The following EPB41L3 variants were observed in gnomAD, a reference collection of about 807,000 sequenced individuals.
The protein encoded by EPB41L3 is erythrocyte membrane protein band 4.1 like 3, also known as band 4.1-like protein 3.
EPB41L3 carries 57 observed loss-of-function variants against 127.1 expected under a neutral mutation model. The observed-to-expected ratio is 0.45, with a 90% CI of 0.36 to 0.56. EPB41L3 has a LOEUF of 0.56. EPB41L3 is among the 20% of genes least tolerant of loss of function. The pLI, the probability that EPB41L3 is intolerant of heterozygous loss-of-function variation, is 0.00. For synonymous variants in EPB41L3, 572 were observed against 549.5 expected, an observed-to-expected ratio of 1.04 and a Z score of -0.57; for missense variants, 1,273 against 1,372.2, an observed-to-expected ratio of 0.93 and a Z score of 1.14.
chr18:5,463,933 A>C (rs769507056), intron 3 of EPB41L3: 1 of 152,222 alleles, frequency 6.6e-6, no homozygotes, highest in Non-Finnish European at 1.5e-5. Context: ...GAGAAAACCA[A>C]TATACCAATA....
Position 5,474,803 on chromosome 18 carries a change from G to A in EPB41L3, c.381+3438C>T, listed in dbSNP as rs766425772. On this transcript the variant is annotated intron_variant, in intron 3 of 22. Transcript: ENST00000341928. ...ATGTCTCTTCTGTCCATGAGTGGTA[G>A]TAGGAAGGGGCATTGGATGTGATAT... Among the ~76,000 whole-genome samples, 90 of 152,282 alleles carry A rather than the reference G, an allele frequency of 5.9e-4. 1 individual carries two copies. The highest frequency in any genetic ancestry group is 1.1e-3 in the Non-Finnish European group (73 of 68,022).
chr18:5,611,137 A>G lies in EPB41L3; in HGVS notation c.-306+1203T>C, dbSNP rs1270522420. On this transcript the variant is annotated intron_variant, in intron 3 of 21. Transcript: ENST00000545076. ...TGTACACTACTAATCAGTTCCATCA[A>G]ATGCTACTGTCAACTCAAAATAACT... Among the ~76,000 whole-genome samples, 6 of 152,352 alleles carry G rather than the reference A, an allele frequency of 3.9e-5. No homozygotes were observed. The East Asian group carries it at 1.2e-3, about 29-fold the overall frequency.
chr18:5,495,604 TA>T (rs397970932), intron 1 of EPB41L3, among the ~76,000 whole-genome samples: 620 of 143,280 alleles, frequency 4.3e-3, no homozygotes, highest in African/African-American at 7.6e-3. Context: ...CTTGTCTGAT[TA>T]AAAAAAAAAA....
Position 5,577,035 on chromosome 18 carries a change from G to A in EPB41L3, c.-306+35305C>T, listed in dbSNP as rs559853404. On this transcript the variant is annotated intron_variant, in intron 3 of 21. Transcript: ENST00000545076. ...ATGTACTAAGTAAGAAGGACAAAGG[G>A]AAAGGTGAGATATGCTGTAGCTAGA... Among the ~76,000 whole-genome samples the A allele has an allele frequency of 1.7e-4, 26 of 152,264 alleles. No homozygotes were observed. In the East Asian group the frequency reaches 4.4e-3, roughly 26 times the overall value.
chr18:5,504,332 T>G (rs1462948726), intron 1 of EPB41L3, among the ~76,000 whole-genome samples: 1 of 152,190 alleles, frequency 6.6e-6, no homozygotes, highest in Non-Finnish European at 1.5e-5. Context: ...AGAAATTTTA[T>G]TTTAGATCAA....
chr18:5,415,716 A>G (rs1339166205), intron 13 of EPB41L3, 102 bp downstream of exon 13: 5 of 1,205,466 alleles, frequency 4.1e-6, no homozygotes, highest in Non-Finnish European at 5.8e-6. Flanking sequence ...ACAATAAATG[A>G]GGCTCTGAAA....
At position 5,499,771 on chromosome 18, in the gene EPB41L3, T is replaced by TA. The variant is rs200093760; in HGVS notation, c.-11-10578dup. ...GACAGAGCAAGACTCTGTCTCAAAA[T>TA]AAAAAAAAAACTTTGTTTTAAAGAC... On this transcript the variant is annotated intron_variant, in intron 1 of 22. Transcript: ENST00000341928. Among the ~76,000 whole-genome samples the TA allele has an allele frequency of 2.6e-3, 383 of 147,140 alleles. 5 individuals are homozygous for TA. The East Asian group carries it at 0.041, about 16-fold the overall frequency.
At chr18:5,471,214 A>C (rs1249725125) in intron 3 of EPB41L3, among the ~76,000 whole-genome samples, 1 of 152,212 alleles carries the variant, frequency 6.6e-6, no homozygotes, top group East Asian at 1.9e-4. Context: ...ATGGGGAATT[A>C]GGGAAAGCTT....
At chr18:5,630,660 C>A (rs750997653), upstream of EPB41L3, 7 of 352,604 alleles carry the variant, frequency 2.0e-5, no homozygotes, top group Non-Finnish European at 3.8e-5. Flanking sequence ...CTTCGGGCGC[C>A]TGTGACAGCC....
At chr18:5,602,637 G>C (rs971173667) in intron 3 of EPB41L3, among the ~76,000 whole-genome samples, 1 of 152,154 alleles carries the variant, frequency 6.6e-6, no homozygotes, top group Non-Finnish European at 1.5e-5. Context: ...GTAAAGACGA[G>C]GTTTCACTTT....
intron 1 of EPB41L3, among the ~76,000 whole-genome samples, chr18:5,497,378 G>A (rs1295822014): frequency 6.6e-6 from 1 of 152,136 alleles, no homozygotes; most frequent in Non-Finnish European, 1.5e-5. Context: ...GTCCAGGTGA[G>A]GGAAAATGCC....
At position 5,477,839 on chromosome 18, in the gene EPB41L3, CT is replaced by C. The variant is rs1250129255; in HGVS notation, c.381+401del. Among the ~76,000 whole-genome samples the C allele has an allele frequency of 8.5e-5, 13 of 152,292 alleles. No homozygotes were observed. In the East Asian group the frequency reaches 2.3e-3, roughly 27 times the overall value. ...ACATTTTCAAATTATCCCACCACCC[CT>C]ATGTACAGAATTTGTAAGTTTTCTA... is the stretch of plus-strand genomic sequence containing the variant. On this transcript the variant is annotated intron_variant, in intron 3 of 22. Transcript: ENST00000341928.
intron 6 of EPB41L3, among the ~76,000 whole-genome samples, chr18:5,435,753 A>G (rs945241079): frequency 6.6e-6 from 1 of 152,236 alleles, no homozygotes; most frequent in Non-Finnish European, 1.5e-5. Context: ...TATTAAGGTG[A>G]CAGGTCTTAC....
intron 1 of EPB41L3, among the ~76,000 whole-genome samples, chr18:5,501,805 G>A (rs1043544654): frequency 6.6e-6 from 1 of 152,034 alleles, no homozygotes; most frequent in African/African-American, 2.4e-5. Context: ...CTCTTCACCA[G>A]CAATGGATGG....
rs568544030 is a variant in EPB41L3 at position 5,433,664 on chromosome 18, C to G, written c.825-108G>C. 5.5e-5 allele frequency: 54 copies of G among 976,154 alleles called. No homozygotes were observed. The African/African-American group carries it at 8.2e-4, about 15-fold the overall frequency. The allele number at this position is 976,154 out of a possible 1,614,324, so 60.5% of individuals were successfully genotyped here. A position where few individuals can be genotyped will look rare whatever the true frequency, so the allele number is the denominator to read the frequency against. On this transcript the variant is annotated intron_variant, in intron 7 of 22. Transcript: ENST00000341928. ...CTCATAAGAAGTCCTATGGAGGCACCAGCAGATACATGAGAAAAGAATAAC... is the reference window on the plus strand; with the variant it reads ...CTCATAAGAAGTCCTATGGAGGCACGAGCAGATACATGAGAAAAGAATAAC...
intron 1 of EPB41L3, among the ~76,000 whole-genome samples, chr18:5,514,630 A>C (rs1434453750): frequency 6.6e-6 from 1 of 152,218 alleles, no homozygotes; most frequent in Non-Finnish European, 1.5e-5. Context: ...AAAGTTACAG[A>C]GAAACAATAT....
intron 16 of EPB41L3, chr18:5,400,723 T>C (rs1284916656): frequency 7.4e-6 from 4 of 541,618 alleles, no homozygotes; most frequent in Non-Finnish European, 1.0e-5. Context: ...AGAAAGTAAG[T>C]CAATGACAAC....
intron 3 of EPB41L3, among the ~76,000 whole-genome samples, chr18:5,563,526 A>G (rs991842028): frequency 1.3e-5 from 2 of 152,200 alleles, no homozygotes; most frequent in African/African-American, 4.8e-5. Context: ...GGAAAAAGCA[A>G]GATGGATTGA....
At chr18:5,614,742 G>A (rs908646901) in intron 1 of EPB41L3, among the ~76,000 whole-genome samples, 5 of 152,056 alleles carry the variant, frequency 3.3e-5, no homozygotes, top group African/African-American at 9.7e-5. Flanking sequence ...ACATTAATGC[G>A]CTATGATTAC....
Sources: allele counts gnomAD v4.1 joint callset (sites outside exome capture counted in the v4.1 genomes callset), GRCh38; gene constraint gnomAD v4.1.1; transcripts MANE v1.5; gene names NCBI Gene and HGNC (gene_info 2026-07-23, HGNC 2026-07-21).